TBC1D16: variants seen among roughly 807,000 people sequenced by gnomAD.
TBC1D16 encodes the protein TBC1 domain family member 16, also known as CTD-2529O21.1.
TBC1D16 carries 58 observed loss-of-function variants against 74.7 expected under a neutral mutation model. The observed-to-expected ratio is 0.78, with a 90% confidence interval of 0.63 to 0.97. The LOEUF is 0.97. TBC1D16 is among the 50% of genes least tolerant of loss of function. TBC1D16 has a pLI of 0.00. For missense variants in TBC1D16, 1,014 were observed against 1,079.5 expected (o/e 0.94, Z 0.85); for synonymous variants, 493 against 474.7 (o/e 1.04, Z -0.50).
Position 79,990,596 on chromosome 17 carries a change from G to A in TBC1D16, c.779+19564C>T, listed in dbSNP as rs2035019984. ...TTCTCTCTGTTTATTGTGGTAAAATGTCCATAACATAAAATTCACCACCTT... is the reference window on the plus strand; with the variant it reads ...TTCTCTCTGTTTATTGTGGTAAAATATCCATAACATAAAATTCACCACCTT... On this transcript the variant is annotated intron_variant, in intron 3 of 11. Transcript: ENST00000310924. The surrounding 1 kb of genome is among the most constrained non-coding windows in gnomAD (Gnocchi z 4.8). 6.6e-6 allele frequency among the ~76,000 whole-genome samples: 1 copy of A among 152,190 alleles called. No individual in the cohort carries two copies. The highest frequency in any genetic ancestry group is 2.4e-5 in the African/African-American group (1 of 41,434).
intron 3 of TBC1D16, among the ~76,000 whole-genome samples, chr17:79,957,523 ACCAGTGGTTG>A (rs2033390653): frequency 1.3e-5 from 2 of 152,168 alleles, no homozygotes; most frequent in African/African-American, 4.8e-5. Flanking sequence ...CAGTGACAAG[ACCAGTGGTTG>A]CCAGGAGCTG....
At chr17:80,034,491 G>T (rs2036884620) in intron 1 of TBC1D16, among the ~76,000 whole-genome samples, 1 of 152,024 alleles carries the variant, frequency 6.6e-6, no homozygotes, top group South Asian at 2.1e-4. Flanking sequence ...CGTGAGCCAC[G>T]GCGCCCAGCC....
At position 79,950,685 on chromosome 17, in the gene TBC1D16, G is replaced by A; in HGVS notation, c.1090-107C>T. The A allele has an allele frequency of 6.5e-7, 1 of 1,544,550 alleles. No homozygotes were observed. The highest frequency in any genetic ancestry group is 1.2e-5 in the South Asian group (1 of 84,464). ...AAGCCTCTCTCTCTTCTGAAAGGAG[G>A]GCAAGGGCCGTCCCCTGCATACAAA... On this transcript the variant is annotated intron_variant, in intron 5 of 11. Transcript: ENST00000310924. The surrounding 1 kb of genome is among the most constrained non-coding windows in gnomAD (Gnocchi z 4.6).
rs375795567 is a variant in TBC1D16 at position 80,013,405 on chromosome 17, G to A, written c.143C>T (p.Pro48Leu). 5.6e-6 allele frequency: 9 copies of A among 1,608,864 alleles called. No homozygotes were observed. The highest frequency in any genetic ancestry group is 4.0e-5 in the African/African-American group (3 of 74,998). ...CCCCAGCCCCTGCAGCCCCTCCGGC[G>A]GGTGCACGCAGACATTGTTCTTGGA... ...IYSKNNVCVH[P>L]PEGLQGLGEH... Residue 48 changes from proline (P) to leucine (L), a missense_variant, in exon 2 of 12, where the codon CCG becomes CTG. Physicochemically the swap from Pro to Leu is moderately conservative, Grantham distance 98 (BLOSUM62 -3). Transcript: ENST00000310924.
In TBC1D16 at chr17:80,010,137, C is replaced by G. The variant is rs750878015; in HGVS notation, c.779+23G>C. 3.2e-6 allele frequency: 5 copies of G among 1,586,060 alleles called. No individual in the cohort carries two copies. Among genetic ancestry groups the G allele is most frequent in the Non-Finnish European group, 4.3e-6 (5 of 1,164,608 alleles). ...AGGCCTTGGGGGCCTCCCGAGAGCC[C>G]ACGCCCAGAACCAGGAACTCACCTG... On this transcript the variant is annotated intron_variant, in intron 3 of 11. Transcript: ENST00000310924. This position sits in a 1 kb window ranked among gnomAD's most constrained non-coding sequence, Gnocchi z 8.8.
At position 79,950,842 on chromosome 17, in the gene TBC1D16, CA is replaced by C; in HGVS notation, c.1090-265del. ...CCCCCACTCTCTCCAACCCCAGCCG[CA>C]AAAACGGAATGAATGCCTCGTTCGG... On this transcript the variant is annotated intron_variant, in intron 5 of 11. Coordinates refer to ENST00000310924, the MANE Select transcript of TBC1D16 (RefSeq NM_019020.4). The surrounding 1 kb of genome is among the most constrained non-coding windows in gnomAD (Gnocchi z 4.6). The C allele has an allele frequency of 1.3e-6, 2 of 1,525,310 alleles. No homozygotes were observed. The highest frequency in any genetic ancestry group is 4.9e-5 in the East Asian group (2 of 40,756). 94.5% of individuals were successfully genotyped at this position (1,525,310 alleles called of 1,614,324 possible). A position where few individuals can be genotyped will look rare whatever the true frequency, so the allele number is the denominator to read the frequency against.
chr17:79,987,064 G>C lies in TBC1D16; in HGVS notation c.779+23096C>G, dbSNP rs1461495067. Among the ~76,000 whole-genome samples the C allele has an allele frequency of 6.6e-6, 1 of 152,188 alleles. No homozygotes were observed. Among genetic ancestry groups the C allele is most frequent in the African/African-American group, 2.4e-5 (1 of 41,438 alleles). ...TGAGAGCCAGAAGAGATCAGGGCCA[G>C]GATGGGTCACGGGCTGTGCCCAGTG... is the stretch of plus-strand genomic sequence containing the variant. On this transcript the variant is annotated intron_variant, in intron 3 of 11. Transcript: ENST00000310924. The surrounding 1 kb of genome is among the most constrained non-coding windows in gnomAD (Gnocchi z 5.2).
intron 3 of TBC1D16, among the ~76,000 whole-genome samples, chr17:79,962,201 ATTTTTTTTTTTTTTTT>A (rs563506473): frequency 0.038 from 2,447 of 65,204 alleles, 99 homozygotes; most frequent in African/African-American, 0.14. Context: ...ATCTCAACCT[ATTTTTTTTTTTTTTTT>A]TTTTTTTTTT....
Position 79,942,114 on chromosome 17 carries a change from G to A in TBC1D16, c.2001C>T (p.Leu667=). 6.2e-7 allele frequency: 1 copy of A among 1,612,200 alleles called. No individual in the cohort carries two copies. Among genetic ancestry groups the A allele is most frequent in the Non-Finnish European group, 8.5e-7 (1 of 1,179,650 alleles). ...GCATGGCCAGGTTTCCGAAGTGCAG[G>A]AGCATCTGGTCCGTGGCCAGCTGCT... ...IEQQLATDQM[L]LHFGNLAMHM... The change falls in exon 11 of 12, where the codon CTC becomes CTT. Residue 667 remains leucine (L), a synonymous_variant. Coordinates refer to ENST00000310924, the MANE Select transcript of TBC1D16 (RefSeq NM_019020.4).
At chr17:80,012,036 G>A (rs958893779) in intron 2 of TBC1D16, among the ~76,000 whole-genome samples, 1 of 152,096 alleles carries the variant, frequency 6.6e-6, no homozygotes, top group Non-Finnish European at 1.5e-5. Flanking sequence ...GTTCTGGGGG[G>A]AGGTGGCATT....
In TBC1D16 at chr17:79,950,681, G is replaced by A; in HGVS notation, c.1090-103C>T. 1 of 1,548,570 alleles carries A rather than the reference G, an allele frequency of 6.5e-7. No individual in the cohort carries two copies. Among genetic ancestry groups the A allele is most frequent in the Non-Finnish European group, 8.7e-7 (1 of 1,144,156 alleles). Reference sequence around the variant, plus strand: ...ATAAAAGCCTCTCTCTCTTCTGAAAGGAGGGCAAGGGCCGTCCCCTGCATA... The same window carrying A: ...ATAAAAGCCTCTCTCTCTTCTGAAAAGAGGGCAAGGGCCGTCCCCTGCATA... On this transcript the variant is annotated intron_variant, in intron 5 of 11. Transcript: ENST00000310924. This position sits in a 1 kb window ranked among gnomAD's most constrained non-coding sequence, Gnocchi z 4.6.
chr17:79,981,668 ACAGT>A lies in TBC1D16; in HGVS notation c.779+28488_779+28491del. On this transcript the variant is annotated intron_variant, in intron 3 of 11. Coordinates refer to ENST00000310924, the MANE Select transcript of TBC1D16 (RefSeq NM_019020.4). The surrounding 1 kb of genome is among the most constrained non-coding windows in gnomAD (Gnocchi z 6.9). ...CCAAACCTCCAAAGCTGGGAGGGCT[ACAGT>A]CAAAGAAGCACCTCCCACACCGGAG... Among the ~76,000 whole-genome samples, 1 of 152,380 alleles carries A rather than the reference ACAGT, an allele frequency of 6.6e-6. No individual in the cohort carries two copies. The highest frequency in any genetic ancestry group is 1.9e-4 in the East Asian group (1 of 5,192).
intron 3 of TBC1D16, among the ~76,000 whole-genome samples, chr17:79,968,944 A>G (rs1314399544): frequency 6.6e-6 from 1 of 151,812 alleles, no homozygotes; most frequent in Admixed American, 6.6e-5. Flanking sequence ...GTACCCAAAT[A>G]TTTTTTAAAA....
chr17:79,962,964 C>T (rs922969714), intron 3 of TBC1D16, among the ~76,000 whole-genome samples: 1 of 151,410 alleles, frequency 6.6e-6, no homozygotes, highest in Non-Finnish European at 1.5e-5. Flanking sequence ...ACAGGAGAAT[C>T]GCTTGAATCC....
rs1324340695 is a variant in TBC1D16 at position 79,938,307 on chromosome 17, G to C, written c.*2552C>G. ...AGAGGTGCAGACCTCACTGGGGTCC[G>C]GGCCAGCCCATGGGGAGCGTGAGGT... On this transcript the variant is annotated 3_prime_UTR_variant, in exon 12 of 12. Coordinates refer to ENST00000310924, the MANE Select transcript of TBC1D16 (RefSeq NM_019020.4). 6.6e-6 allele frequency: 1 copy of C among 152,400 alleles called. No homozygotes were observed. The highest frequency in any genetic ancestry group is 2.1e-4 in the South Asian group (1 of 4,840). 9.4% of individuals were successfully genotyped at this position (152,400 alleles called of 1,614,324 possible).
At chr17:79,947,009 G>A (rs1429866575) in intron 9 of TBC1D16, among the ~76,000 whole-genome samples, 1 of 152,224 alleles carries the variant, frequency 6.6e-6, no homozygotes, top group Non-Finnish European at 1.5e-5. Flanking sequence ...AGAACAGTGA[G>A]CAGGTGCCCT....
chr17:80,011,200 C>A (rs907686611), intron 2 of TBC1D16, among the ~76,000 whole-genome samples: 5 of 150,182 alleles, frequency 3.3e-5, no homozygotes, highest in African/African-American at 1.2e-4. Context: ...ACCACCACAC[C>A]CAGCTAATTT....
intron 10 of TBC1D16, among the ~76,000 whole-genome samples, chr17:79,943,373 C>T (rs2032200922): frequency 6.6e-6 from 1 of 152,176 alleles, no homozygotes; most frequent in Non-Finnish European, 1.5e-5. Context: ...ATCTCCACAG[C>T]CTGCACAGCA....
chr17:80,017,697 A>G (rs2036141495), intron 1 of TBC1D16, among the ~76,000 whole-genome samples: 1 of 151,386 alleles, frequency 6.6e-6, no homozygotes, highest in Non-Finnish European at 1.5e-5. Context: ...AAAAAAAAAA[A>G]AAAAAAGTAA....
Sources: allele counts gnomAD v4.1 joint callset (sites outside exome capture counted in the v4.1 genomes callset), GRCh38; gene constraint gnomAD v4.1.1; non-coding constraint Gnocchi (gnomAD v3.1); transcripts MANE v1.5; gene names NCBI Gene and HGNC (gene_info 2026-07-23, HGNC 2026-07-21).